Variants in PIK3C2G observed in about 807,000 individuals in gnomAD.
The protein encoded by PIK3C2G is phosphatidylinositol 3-kinase C2 domain-containing subunit gamma.
In PIK3C2G, 168 loss-of-function variants were observed where a neutral mutation model predicts 181.1. The ratio of observed to expected loss-of-function variants is 0.93; its 90% CI spans 0.82 to 1.05. PIK3C2G has a LOEUF of 1.05. PIK3C2G is among the 50% of genes least tolerant of loss of function. The pLI, the probability that PIK3C2G is intolerant of heterozygous loss-of-function variation, is 0.00. For synonymous variants in PIK3C2G, 573 were observed against 592.2 expected (o/e 0.97, Z 0.47); for missense variants, 1,869 against 1,732.8 (o/e 1.08, Z -1.40).
chr12:18,705,697 C>A, the PIK3C2G span, among the ~76,000 whole-genome samples: 1 of 150,768 alleles, frequency 6.6e-6, no homozygotes, highest in South Asian at 2.1e-4. Context: ...GAAACCCCAT[C>A]TCTACTAAAA....
At chr12:18,525,959 A>G (rs1055544662) in intron 24 of PIK3C2G, among the ~76,000 whole-genome samples, 20 of 152,178 alleles carry the variant, frequency 1.3e-4, no homozygotes, top group Non-Finnish European at 2.9e-4. Context: ...CAAATTACCT[A>G]CTATAATTAA....
At chr12:18,576,000 TTTATTC>T (rs1438550048) in intron 29 of PIK3C2G, among the ~76,000 whole-genome samples, 1 of 152,212 alleles carries the variant, frequency 6.6e-6, no homozygotes, top group African/African-American at 2.4e-5. Context: ...TCTAAACTTG[TTTATTC>T]TTATATCTTA....
chr12:18,471,948 T>C (rs1938502039), intron 18 of PIK3C2G, among the ~76,000 whole-genome samples: 1 of 152,144 alleles, frequency 6.6e-6, no homozygotes, highest in Admixed American at 6.5e-5. Flanking sequence ...ATAGATTCCA[T>C]TTATATCAAA....
intron 25 of PIK3C2G, among the ~76,000 whole-genome samples, chr12:18,539,593 G>A (rs1306110078): frequency 6.6e-6 from 1 of 151,756 alleles, no homozygotes; most frequent in Non-Finnish European, 1.5e-5. Context: ...CAGTAGCCAC[G>A]TTTGGCTAGT....
intron 29 of PIK3C2G, among the ~76,000 whole-genome samples, chr12:18,584,586 A>G (rs1946677347): frequency 6.6e-6 from 1 of 152,166 alleles, no homozygotes; most frequent in African/African-American, 2.4e-5. Context: ...CTCTGAAGGA[A>G]TCGGGAGAAA....
chr12:18,699,802 T>C, the PIK3C2G span: 1 of 1,613,408 alleles, frequency 6.2e-7, no homozygotes. Context: ...ACCTCGCAAT[T>C]TTGAAAGTTT....
At chr12:18,708,091 T>C in the PIK3C2G span, among the ~76,000 whole-genome samples, 1 of 152,216 alleles carries the variant, frequency 6.6e-6, no homozygotes, top group Non-Finnish European at 1.5e-5. Flanking sequence ...AATCCTCATA[T>C]GATACATTAG....
intron 21 of PIK3C2G, among the ~76,000 whole-genome samples, chr12:18,496,831 C>T (rs974221605): frequency 3.3e-5 from 5 of 152,060 alleles, no homozygotes; most frequent in African/African-American, 7.2e-5. Context: ...GAGTAGTGTG[C>T]CCAGACTTTT....
chr12:18,642,944 C>T (rs1019048289), intron 32 of PIK3C2G, among the ~76,000 whole-genome samples: 1 of 151,938 alleles, frequency 6.6e-6, no homozygotes, highest in Non-Finnish European at 1.5e-5. Context: ...GAGAAGCATA[C>T]ACTTCCCAAC....
chr12:18,523,851 G>T (rs1449675601), intron 24 of PIK3C2G, among the ~76,000 whole-genome samples: 1 of 152,224 alleles, frequency 6.6e-6, no homozygotes, highest in Non-Finnish European at 1.5e-5. Flanking sequence ...CTCTCCATGG[G>T]CAATCACTGA....
the PIK3C2G span, among the ~76,000 whole-genome samples, chr12:18,671,920 A>T: frequency 6.6e-6 from 1 of 152,106 alleles, no homozygotes; most frequent in South Asian, 2.1e-4. Context: ...CCTTTTCATG[A>T]CATCTTGACT....
intron 26 of PIK3C2G, among the ~76,000 whole-genome samples, chr12:18,547,672 A>T (rs532156881): frequency 6.6e-4 from 101 of 151,964 alleles, no homozygotes; most frequent in African/African-American, 1.8e-3. Context: ...AACAAAAAAA[A>T]CCCTGCCTTC....
the PIK3C2G span, among the ~76,000 whole-genome samples, chr12:18,691,452 A>C: frequency 6.6e-6 from 1 of 152,180 alleles, no homozygotes; most frequent in Non-Finnish European, 1.5e-5. Context: ...TATGTAACAG[A>C]ATCCAAGGAG....
chr12:18,564,289 T>G (rs1041785122), intron 28 of PIK3C2G, among the ~76,000 whole-genome samples: 1 of 151,914 alleles, frequency 6.6e-6, no homozygotes, highest in African/African-American at 2.4e-5. Context: ...GTATCTTGAT[T>G]TTAAAAATGT....
chr12:18,599,613 C>A (rs1947589420), intron 30 of PIK3C2G, among the ~76,000 whole-genome samples: 1 of 150,868 alleles, frequency 6.6e-6, no homozygotes, highest in Admixed American at 6.6e-5. Context: ...CTAACCTGCA[C>A]ATTGTGTACA....
intron 26 of PIK3C2G, among the ~76,000 whole-genome samples, chr12:18,558,984 G>A (rs1945154584): frequency 6.6e-6 from 1 of 151,934 alleles, no homozygotes. Context: ...CATACAATAG[G>A]AATAAGGACA....
chr12:18,300,280 A>T (rs1044522092), intron 5 of PIK3C2G, among the ~76,000 whole-genome samples: 19 of 152,040 alleles, frequency 1.2e-4, no homozygotes, highest in African/African-American at 4.1e-4. Flanking sequence ...GTATGTGTTT[A>T]TTGGATACAT....
intron 31 of PIK3C2G, among the ~76,000 whole-genome samples, chr12:18,626,241 T>C (rs1318242924): frequency 1.3e-5 from 2 of 151,934 alleles, no homozygotes; most frequent in Non-Finnish European, 2.9e-5. Context: ...ATAATATCTT[T>C]CGCTTACAAC....
At chr12:18,319,631 T>C (rs1475660613) in intron 6 of PIK3C2G, among the ~76,000 whole-genome samples, 1 of 152,214 alleles carries the variant, frequency 6.6e-6, no homozygotes, top group African/African-American at 2.4e-5. Context: ...TAAATGAATA[T>C]GATTATGCTT....
Sources: allele counts gnomAD v4.1 joint callset (sites outside exome capture counted in the v4.1 genomes callset), GRCh38; gene constraint gnomAD v4.1.1; transcripts MANE v1.5; gene names NCBI Gene and HGNC (gene_info 2026-07-23, HGNC 2026-07-21).